IL18BP: variants seen among roughly 807,000 people sequenced by gnomAD.
The protein encoded by IL18BP is interleukin-18-binding protein.
A neutral mutation model predicts 19.9 loss-of-function variants in IL18BP; 23 were observed. The observed-to-expected ratio is 1.15, with a 90% CI of 0.83 to 1.64. IL18BP has a LOEUF of 1.64. Among genes scored for constraint, IL18BP ranks in the 40% most tolerant of loss-of-function variants. The pLI is 0.00. For missense variants in IL18BP, 239 were observed against 240.7 expected (o/e 0.99, Z 0.05); for synonymous variants, 107 against 101.0 (o/e 1.06, Z -0.35).
intron 1 of IL18BP, chr11:71,999,568 C>G (rs1005429465): frequency 1.8e-5 from 4 of 225,884 alleles, no homozygotes; most frequent in African/African-American, 6.9e-5. Flanking sequence ...AATAGAGGGT[C>G]GGGGCAGTGC....
At chr11:72,004,374 G>C, downstream of IL18BP, 1 of 1,577,542 alleles carries the variant, frequency 6.3e-7, no homozygotes, top group East Asian at 2.2e-5. Context: ...GCAGACAGTA[G>C]CAAGAGGAGT....
downstream of IL18BP, chr11:72,003,901 G>C (rs558707315): frequency 1.9e-6 from 3 of 1,613,670 alleles, no homozygotes; most frequent in Non-Finnish European, 2.5e-6. Flanking sequence ...CCCTTGGCTC[G>C]AGGGGTGGCA....
chr11:71,999,083 A>G lies in IL18BP; in HGVS notation c.-59+64A>G, dbSNP rs1202073725. ...CTCTGGCCAGAGGGGCTAGGATGAG[A>G]GACAGAGGGTGTGATGGTGGGTGCT... On this transcript the variant is annotated intron_variant, in intron 1 of 5. Transcript: ENST00000393703. 26 of 495,552 alleles carry G rather than the reference A, an allele frequency of 5.2e-5. No individual in the cohort carries two copies. In the East Asian group the frequency reaches 1.1e-3, roughly 21 times the overall value. The allele number at this position is 495,552 out of a possible 1,614,324, so 30.7% of individuals were successfully genotyped here.
Position 72,001,967 on chromosome 11 carries a change from CA to C in IL18BP, c.*108del. Reference sequence around the variant, plus strand: ...ACTGCCTGTAGGCTGCGTGGATGCGCAACACACCCCCTCCTTCTCTGCTTTG... The same window carrying C: ...ACTGCCTGTAGGCTGCGTGGATGCGCACACACCCCCTCCTTCTCTGCTTTG... On this transcript the variant is annotated 3_prime_UTR_variant, in exon 6 of 6. Coordinates refer to ENST00000393703, the MANE Select transcript of IL18BP (RefSeq NM_001039660.2). The C allele has an allele frequency of 6.1e-6, 9 of 1,485,294 alleles. No individual in the cohort carries two copies. The South Asian group carries it at 9.8e-5, about 16-fold the overall frequency. 92.0% of individuals were successfully genotyped at this position (1,485,294 alleles called of 1,614,324 possible).
At chr11:72,000,594 C>G in intron 3 of IL18BP, 37 bp downstream of exon 3, 1 of 1,566,428 alleles carries the variant, frequency 6.4e-7, no homozygotes, top group South Asian at 1.1e-5. Flanking sequence ...GCTATGGGCA[C>G]AGAGGTTCCC....
In IL18BP at chr11:72,001,532, G is replaced by A. The variant is rs370464613; in HGVS notation, c.487G>A (p.Val163Ile). 60 of 1,612,982 alleles carry A rather than the reference G, an allele frequency of 3.7e-5. No individual in the cohort carries two copies. The highest frequency in any genetic ancestry group is 1.4e-4 in the South Asian group (13 of 90,826). ...VDPEQVVQRH[V>I]VLAQLWAGLR... ...CCCTGAACAGGTTGTCCAGCGTCACGTCGTCCTGGCCCAGCTCTGGGTGAG... is the reference window on the plus strand; with the variant it reads ...CCCTGAACAGGTTGTCCAGCGTCACATCGTCCTGGCCCAGCTCTGGGTGAG... The change falls in exon 5 of 6, where the codon GTC becomes ATC. Residue 163 changes from valine (V) to isoleucine (I), a missense_variant. Physicochemically the swap from Val to Ile is conservative, Grantham distance 29. Coordinates refer to ENST00000393703, the MANE Select transcript of IL18BP (RefSeq NM_001039660.2).
At chr11:72,005,267 G>A (rs760554220), downstream of IL18BP, 1 of 1,605,804 alleles carries the variant, frequency 6.2e-7, no homozygotes, top group Non-Finnish European at 8.5e-7. Context: ...CTTCAGATGT[G>A]GGGGGCACAC....
downstream of IL18BP, chr11:72,007,421 G>A: frequency 6.2e-7 from 1 of 1,613,562 alleles, no homozygotes; most frequent in Non-Finnish European, 8.5e-7. Context: ...GTCTGGCTGG[G>A]TACGAGGCAG....
At chr11:72,001,737 G>C in intron 5 of IL18BP, 47 bp from the exon 6 acceptor site, 3 of 1,613,756 alleles carry the variant, frequency 1.9e-6, no homozygotes, top group Non-Finnish European at 2.5e-6. Flanking sequence ...GTGATGAGAT[G>C]TCCCTCCTTT....
At chr11:72,006,362 T>C (rs1955699294), downstream of IL18BP, 9 of 989,386 alleles carry the variant, frequency 9.1e-6, no homozygotes, top group East Asian at 1.3e-4. Flanking sequence ...GGCACATCCA[T>C]GTATTCCCAA....
chr11:72,003,623 C>A, downstream of IL18BP: 1 of 1,553,190 alleles, frequency 6.4e-7, no homozygotes, highest in Non-Finnish European at 8.9e-7. Flanking sequence ...TTCCTGCTCC[C>A]ACGCCCCTGT....
chr11:72,006,359 C>G (rs889963027), downstream of IL18BP: 1 of 987,304 alleles, frequency 1.0e-6, no homozygotes, highest in African/African-American at 1.6e-5. Flanking sequence ...CACGGCACAT[C>G]CATGTATTCC....
chr11:72,006,510 T>C (rs942782351), downstream of IL18BP, among the ~76,000 whole-genome samples: 4 of 152,140 alleles, frequency 2.6e-5, no homozygotes, highest in African/African-American at 7.2e-5. Context: ...TGCTTTGAGG[T>C]AGGGAATGCA....
chr11:72,007,300 G>C, downstream of IL18BP: 1 of 1,613,318 alleles, frequency 6.2e-7, no homozygotes, highest in Non-Finnish European at 8.5e-7. Context: ...TCTCCAGGGG[G>C]GCCTGACTCC....
chr11:72,004,153 C>T (rs958503929), downstream of IL18BP: 31 of 1,609,164 alleles, frequency 1.9e-5, no homozygotes, highest in African/African-American at 1.3e-4. Context: ...CCCAGGCCAG[C>T]GTGCTGTGCC....
At chr11:72,006,293 TAC>T (rs1447914733), downstream of IL18BP, 1 of 1,593,142 alleles carries the variant, frequency 6.3e-7, no homozygotes. Flanking sequence ...TGTTGCAGTG[TAC>T]AGTCCCTGGC....
chr11:72,004,540 G>A, downstream of IL18BP: 1 of 1,304,470 alleles, frequency 7.7e-7, no homozygotes, highest in East Asian at 2.3e-5. Context: ...AAGAGAGGGG[G>A]AAGTGAGGGA....
chr11:72,007,497 T>A, downstream of IL18BP: 2 of 1,581,064 alleles, frequency 1.3e-6, 1 homozygote, highest in South Asian at 2.3e-5. Context: ...TGTCCAGCCC[T>A]TTTTGAAAGT....
Position 72,001,872 on chromosome 11 carries a change from A to G in IL18BP, c.*11A>G, listed in dbSNP as rs768772747. On this transcript the variant is annotated 3_prime_UTR_variant, in exon 6 of 6. Transcript: ENST00000393703. ...CAGCAGCAGGGTTAAGACTCAGCAC[A>G]GGGCCAGCAGCAGCACAACCTTGAC... 1.9e-6 allele frequency: 3 copies of G among 1,614,116 alleles called. No individual in the cohort carries two copies. In the South Asian group the frequency reaches 3.3e-5, roughly 18 times the overall value.
Sources: gnomAD v4.1 joint callset for allele counts (sites outside exome capture counted in the v4.1 genomes callset) on GRCh38, gnomAD v4.1.1 for gene constraint, MANE v1.5 for transcripts, NCBI Gene and HGNC (gene_info 2026-07-23, HGNC 2026-07-21) for gene names.